EXOSC10: variants seen among roughly 807,000 people sequenced by gnomAD.
EXOSC10 encodes the protein exosome component 10.
In EXOSC10, 94 loss-of-function variants were observed where a neutral mutation model predicts 126.6. The observed-to-expected ratio is 0.74, with a 90% CI of 0.63 to 0.88. The LOEUF is 0.88. EXOSC10 is among the 40% of genes least tolerant of loss of function. The pLI is 0.00. For missense variants in EXOSC10, 1,041 were observed against 1,100.5 expected, an observed-to-expected ratio of 0.95 and a Z score of 0.77; for synonymous variants, 395 against 400.8, an observed-to-expected ratio of 0.99 and a Z score of 0.17.
At chr1:11,074,453 C>G in intron 17 of EXOSC10, 127 bp from the exon 18 acceptor site, 1 of 653,910 alleles carries the variant, frequency 1.5e-6, no homozygotes, top group South Asian at 1.8e-5. Context: ...CGCTCTTTTG[C>G]CCAGGCTGGA....
At chr1:11,091,214 G>A in intron 4 of EXOSC10, 35 bp from the exon 5 acceptor site, 1 of 1,564,026 alleles carries the variant, frequency 6.4e-7, no homozygotes, top group East Asian at 2.3e-5. Flanking sequence ...TTATAACACA[G>A]CAACTTGATG....
Position 11,090,613 on chromosome 1 carries a change from G to T in EXOSC10, c.699C>A (p.Val233=), listed in dbSNP as rs1175779477. 12 of 1,613,954 alleles carry T rather than the reference G, an allele frequency of 7.4e-6. No individual in the cohort carries two copies. The highest frequency in any genetic ancestry group is 8.5e-6 in the Non-Finnish European group (10 of 1,180,022). The change falls in exon 6 of 25, where the codon GTC becomes GTA. Residue 233 remains valine (V), a synonymous_variant. Transcript: ENST00000376936. ...GGATGAAATCAGCCAGTGCAGGGGG[G>T]ACGTCCAAGTCCTCAGGACGATCCT... is the stretch of plus-strand genomic sequence containing the variant. ...RPQDRPEDLD[V]PPALADFIHQ...
At chr1:11,079,616 A>T (rs1186038934) in intron 14 of EXOSC10, 95 bp downstream of exon 14, 6 of 1,030,854 alleles carry the variant, frequency 5.8e-6, no homozygotes, top group Admixed American at 4.1e-5. Context: ...CTGGTCTCGA[A>T]CTCCTGACCT....
chr1:11,071,942 A>G, intron 20 of EXOSC10, 145 bp downstream of exon 20: 1 of 645,942 alleles, frequency 1.5e-6, no homozygotes, highest in East Asian at 2.6e-5. Context: ...CTGCCAGGAT[A>G]GATACTGATT....
chr1:11,074,469 G>A (rs1639702911), intron 17 of EXOSC10, 143 bp from the exon 18 acceptor site: 1 of 604,526 alleles, frequency 1.7e-6, no homozygotes, highest in South Asian at 1.8e-5. Context: ...CTGGAGTACA[G>A]TGGTGTGATC....
rs1640252139 is a variant in EXOSC10, at chr1:11,082,983, C to A, written c.1090-105G>T. ...TAGAACACTGAAATTAGAAGGTAGT[C>A]TCCGCTGTCCCATCTGTAGTGCAGT... is the stretch of plus-strand genomic sequence containing the variant. On this transcript the variant is annotated intron_variant, in intron 9 of 24. Transcript: ENST00000376936. The A allele has an allele frequency of 5.6e-6, 5 of 897,714 alleles. No individual in the cohort carries two copies. The East Asian group carries it at 9.9e-5, about 18-fold the overall frequency. 55.6% of individuals were successfully genotyped at this position (897,714 alleles called of 1,614,324 possible). A position where few individuals can be genotyped will look rare whatever the true frequency, so the allele number is the denominator to read the frequency against.
chr1:11,081,839 T>C (rs749005008), intron 10 of EXOSC10, among the ~76,000 whole-genome samples: 3 of 152,116 alleles, frequency 2.0e-5, no homozygotes, highest in Non-Finnish European at 4.4e-5. Flanking sequence ...TCCCAGCACT[T>C]TGGGAGGCGG....
chr1:11,090,427 C>T (rs903385748), intron 6 of EXOSC10, 127 bp downstream of exon 6: 1 of 778,392 alleles, frequency 1.3e-6, no homozygotes, highest in Non-Finnish European at 2.2e-6. Flanking sequence ...TGCTAAGGCC[C>T]AGGTTGGGGT....
intron 22 of EXOSC10, among the ~76,000 whole-genome samples, chr1:11,069,273 A>AGAG (rs1639312888): frequency 2.0e-5 from 1 of 49,758 alleles, no homozygotes; most frequent in African/African-American, 3.7e-5. Context: ...TTATGGGCAC[A>AGAG]AGTTATAGTG....
At chr1:11,081,053 C>A (rs192139959) in intron 11 of EXOSC10, 29 bp downstream of exon 11, 2 of 1,611,422 alleles carry the variant, frequency 1.2e-6, no homozygotes, top group African/African-American at 2.7e-5. Context: ...CCAAGTGTCG[C>A]GGTCTGTGTG....
intron 9 of EXOSC10, among the ~76,000 whole-genome samples, chr1:11,083,693 T>C (rs1418706924): frequency 6.6e-6 from 1 of 152,082 alleles, no homozygotes; most frequent in Non-Finnish European, 1.5e-5. Context: ...TAGTTACATA[T>C]GTATACATGT....
At chr1:11,097,002 A>G (rs955228710) in intron 2 of EXOSC10, among the ~76,000 whole-genome samples, 1 of 152,088 alleles carries the variant, frequency 6.6e-6, no homozygotes, top group Non-Finnish European at 1.5e-5. Flanking sequence ...TCACAAGGTC[A>G]GGAGTTCGAG....
chr1:11,076,262 C>T (rs1639811297), intron 17 of EXOSC10, among the ~76,000 whole-genome samples: 3 of 151,826 alleles, frequency 2.0e-5, no homozygotes, highest in Admixed American at 6.6e-5. Context: ...GCAGGAGGAT[C>T]GTTTGAGCCT....
intron 3 of EXOSC10, chr1:11,095,311 GTTA>G (rs960868548): frequency 6.6e-6 from 1 of 151,974 alleles, no homozygotes; most frequent in African/African-American, 2.4e-5. Context: ...AGAAGGGAAT[GTTA>G]TTATAAGAAA....
chr1:11,097,761 G>C (rs552917878), intron 2 of EXOSC10, among the ~76,000 whole-genome samples: 1 of 151,348 alleles, frequency 6.6e-6, no homozygotes, highest in Non-Finnish European at 1.5e-5. Flanking sequence ...AAGTGTTCAC[G>C]TCCCATTTAA....
At chr1:11,099,035 C>G in intron 1 of EXOSC10, among the ~76,000 whole-genome samples, 1 of 152,154 alleles carries the variant, frequency 6.6e-6, no homozygotes, top group South Asian at 2.1e-4. Context: ...ATAGCATTAG[C>G]TAACAGCAAA....
At chr1:11,078,248 G>C (rs927604651) in intron 14 of EXOSC10, among the ~76,000 whole-genome samples, 6 of 151,702 alleles carry the variant, frequency 4.0e-5, no homozygotes, top group African/African-American at 1.2e-4. Flanking sequence ...CTGGGTGTCA[G>C]AGCAAGACCC....
intron 9 of EXOSC10, among the ~76,000 whole-genome samples, chr1:11,083,942 A>C (rs1179163635): frequency 1.3e-5 from 2 of 152,182 alleles, no homozygotes; most frequent in African/African-American, 4.8e-5. Flanking sequence ...CCATGTCCCT[A>C]CAAAGGACAT....
intron 6 of EXOSC10, among the ~76,000 whole-genome samples, chr1:11,089,621 CAAA>C (rs1228653546): frequency 3.1e-5 from 3 of 98,286 alleles, no homozygotes; most frequent in Non-Finnish European, 2.2e-5. Flanking sequence ...AACTCCGTCC[CAAA>C]AAAAAAAAAA....
Sources: gnomAD v4.1 joint callset for allele counts (sites outside exome capture counted in the v4.1 genomes callset) on GRCh38, gnomAD v4.1.1 for gene constraint, MANE v1.5 for transcripts, NCBI Gene and HGNC (gene_info 2026-07-23, HGNC 2026-07-21) for gene names.